PRRT1: variants seen among roughly 807,000 people sequenced by gnomAD.
PRRT1 encodes the protein proline rich transmembrane protein 1.
PRRT1 carries 8 observed loss-of-function variants against 22.6 expected under a neutral mutation model. That is an observed-to-expected ratio of 0.35 (90% confidence interval 0.21 to 0.64). PRRT1 has a LOEUF of 0.64. Among genes scored for constraint, PRRT1 ranks in the 30% least tolerant of loss-of-function variants. The probability of loss-of-function intolerance (pLI) is 0.69; values close to 1 mark genes in which losing one functional copy is unlikely to be tolerated. For missense variants in PRRT1, 315 were observed against 444.5 expected (o/e 0.71, Z 2.62); for synonymous variants, 176 against 203.6 (o/e 0.86, Z 1.15).
chr6:32,150,513 G>T lies in PRRT1; in HGVS notation c.413C>A (p.Ala138Asp). ...AAAAPPPPAP[A>D]QTAQAPGFVV... ...GAAGCCAGGGGCCTGGGCAGTCTGG[G>T]CTGGCGCCGGCGGGGGCGGGGCGGC... is the stretch of plus-strand genomic sequence containing the variant. Residue 138 changes from alanine to aspartate, a missense_variant, in exon 2 of 4, where the codon GCC (alanine) becomes GAC (aspartate). Ala to Asp is a moderately radical substitution (Grantham distance 126). Transcript: ENST00000211413. This position sits in a 1 kb window ranked among gnomAD's most constrained non-coding sequence, Gnocchi z 7.2. 1 of 1,401,078 alleles carries T rather than the reference G, an allele frequency of 7.1e-7. No homozygotes were observed. The highest frequency in any genetic ancestry group is 9.3e-7 in the Non-Finnish European group (1 of 1,080,536). The allele number at this position is 1,401,078 out of a possible 1,614,324, so 86.8% of individuals were successfully genotyped here.
chr6:32,152,055 GTCTC>G, upstream of PRRT1: 1 of 707,554 alleles, frequency 1.4e-6, no homozygotes, highest in Admixed American at 2.0e-5. Flanking sequence ...TTCCCACTCG[GTCTC>G]TCTCTGCTCT....
rs924625226 is a variant in PRRT1 at position 32,148,413 on chromosome 6, C to T, written c.*809G>A. ...TTTCAGAAGTTCACACACACTCACA[C>T]ACAGATCAGAACAAGGCGGGGCCGC... On this transcript the variant is annotated 3_prime_UTR_variant, in exon 4 of 4. Transcript: ENST00000211413. This position sits in a 1 kb window ranked among gnomAD's most constrained non-coding sequence, Gnocchi z 5.7. 3 of 220,676 alleles carry T rather than the reference C, an allele frequency of 1.4e-5. No homozygotes were observed. The highest frequency in any genetic ancestry group is 2.8e-5 in the Non-Finnish European group (3 of 106,890). The allele number at this position is 220,676 out of a possible 1,614,324, so 13.7% of individuals were successfully genotyped here.
chr6:32,151,726 G>A, intron 1 of PRRT1, 83 bp downstream of exon 1: 1 of 805,428 alleles, frequency 1.2e-6, no homozygotes, highest in Non-Finnish European at 2.1e-6. Flanking sequence ...CAGCTGAGGA[G>A]GGGTAAGGGA....
At chr6:32,151,986 A>AGTGG, upstream of PRRT1, 1 of 75,958 alleles carries the variant, frequency 1.3e-5, no homozygotes. Context: ...GCGGAGGGAG[A>AGTGG]GCGGGGAGGG....
rs775000190 is a variant in PRRT1 at position 32,149,285 on chromosome 6, A to G, written c.858T>C (p.Cys286=). 1 of 1,611,550 alleles carries G rather than the reference A, an allele frequency of 6.2e-7. No homozygotes were observed. Among genetic ancestry groups the G allele is most frequent in the South Asian group, 1.1e-5 (1 of 90,504 alleles). ...TGATGATGACTACGGTGAGGATGGT[A>G]CAGAGCACCATGGCCGCGATGCCCA... is the stretch of plus-strand genomic sequence containing the variant. ...LAVGIAAMVL[C]TILTVVIIIA... Residue 286 remains cysteine, a synonymous_variant, in exon 4 of 4, where the codon TGT becomes TGC. Transcript: ENST00000211413. This position sits in a 1 kb window ranked among gnomAD's most constrained non-coding sequence, Gnocchi z 8.7.
rs1783117310 is a variant in PRRT1 at position 32,149,105 on chromosome 6, T to TC, written c.*116dup. On this transcript the variant is annotated 3_prime_UTR_variant, in exon 4 of 4. Transcript: ENST00000211413. The surrounding 1 kb of genome is among the most constrained non-coding windows in gnomAD (Gnocchi z 8.7). ...CCGTGGAGGCGGAGTTTACGATGTA[T>TC]CCAAGTCTGACGGCCCCAGAAACGG... The TC allele has an allele frequency of 9.2e-7, 1 of 1,091,536 alleles. No individual in the cohort carries two copies. Among genetic ancestry groups the TC allele is most frequent in the Non-Finnish European group, 1.4e-6 (1 of 724,580 alleles). The allele number at this position is 1,091,536 out of a possible 1,614,324, so 67.6% of individuals were successfully genotyped here. A position where few individuals can be genotyped will look rare whatever the true frequency, so the allele number is the denominator to read the frequency against.
chr6:32,151,995 G>T (rs1418379207), upstream of PRRT1: 25 of 384,832 alleles, frequency 6.5e-5, 1 homozygote, highest in Admixed American at 1.4e-4. Flanking sequence ...GAGCGGGGAG[G>T]GGGGGAGCTT....
Position 32,151,871 on chromosome 6 carries a change from G to A in PRRT1, c.-44C>T. 4 of 1,600,352 alleles carry A rather than the reference G, an allele frequency of 2.5e-6. No individual in the cohort carries two copies. The highest frequency in any genetic ancestry group is 3.4e-6 in the Non-Finnish European group (4 of 1,171,716). Reference sequence around the variant, plus strand: ...ACAGGGTCCCTGCAGCCGGAGTGGGGGTCCTCGGCCGGTGCTGGAGTCTGG... The same window carrying A: ...ACAGGGTCCCTGCAGCCGGAGTGGGAGTCCTCGGCCGGTGCTGGAGTCTGG... On this transcript the variant is annotated 5_prime_UTR_variant, in exon 1 of 4. Coordinates refer to ENST00000211413, the MANE Select transcript of PRRT1 (RefSeq NM_030651.4).
Position 32,150,722 on chromosome 6 carries a change from C to G in PRRT1, c.204G>C (p.Ala68=). ...RLGAGGLASS[A]ATAQRGPSSS... is the part of the protein sequence containing the mutation. ...AGGAGGGACCGCGCTGAGCGGTGGCCGCGGAAGAGGCCAGGCCCCCTGCCC... is the reference window on the plus strand; with the variant it reads ...AGGAGGGACCGCGCTGAGCGGTGGCGGCGGAAGAGGCCAGGCCCCCTGCCC... Residue 68 remains alanine, a synonymous_variant, in exon 2 of 4, where the codon GCG becomes GCC. Transcript: ENST00000211413. The surrounding 1 kb of genome is among the most constrained non-coding windows in gnomAD (Gnocchi z 7.2). The G allele has an allele frequency of 6.7e-7, 1 of 1,484,158 alleles. No homozygotes were observed. The highest frequency in any genetic ancestry group is 8.9e-7 in the Non-Finnish European group (1 of 1,118,128). 91.9% of individuals were successfully genotyped at this position (1,484,158 alleles called of 1,614,324 possible).
chr6:32,151,749 A>C, intron 1 of PRRT1, 60 bp downstream of exon 1: 2 of 1,055,940 alleles, frequency 1.9e-6, no homozygotes, highest in Non-Finnish European at 1.4e-6. Flanking sequence ...GGGTTGGGGC[A>C]AGGGGGACGG....
chr6:32,152,091 T>G, upstream of PRRT1: 1 of 699,916 alleles, frequency 1.4e-6, no homozygotes, highest in Non-Finnish European at 2.7e-6. Flanking sequence ...TCTCCTCCTC[T>G]TACCCCGGCA....
Position 32,151,863 on chromosome 6 carries a change from G to T in PRRT1, c.-36C>A. On this transcript the variant is annotated 5_prime_UTR_variant, in exon 1 of 4. Transcript: ENST00000211413. ...TCGCTGGGACAGGGTCCCTGCAGCC[G>T]GAGTGGGGGTCCTCGGCCGGTGCTG... is the stretch of plus-strand genomic sequence containing the variant. The T allele has an allele frequency of 6.2e-7, 1 of 1,605,890 alleles. No individual in the cohort carries two copies.
intron 1 of PRRT1, chr6:32,151,280 T>C: frequency 2.0e-6 from 1 of 503,214 alleles, no homozygotes; most frequent in Non-Finnish European, 3.6e-6. Context: ...CATGCAACCC[T>C]GTGTTAATAT....
rs1222796211 is a variant in PRRT1, at chr6:32,149,118, G to T, written c.*104C>A. 3.3e-6 allele frequency: 4 copies of T among 1,203,446 alleles called. No homozygotes were observed. Among genetic ancestry groups the T allele is most frequent in the Non-Finnish European group, 4.9e-6 (4 of 824,308 alleles). The allele number at this position is 1,203,446 out of a possible 1,614,324, so 74.5% of individuals were successfully genotyped here. A position where few individuals can be genotyped will look rare whatever the true frequency, so the allele number is the denominator to read the frequency against. ...GTTTACGATGTATCCAAGTCTGACG[G>T]CCCCAGAAACGGGTGTGCAGGGCGC... is the stretch of plus-strand genomic sequence containing the variant. On this transcript the variant is annotated 3_prime_UTR_variant, in exon 4 of 4. Transcript: ENST00000211413. The surrounding 1 kb of genome is among the most constrained non-coding windows in gnomAD (Gnocchi z 8.7).
In PRRT1 at chr6:32,150,918, G is replaced by C. The variant is rs955978215; in HGVS notation, c.20-12C>G. On this transcript the variant is annotated splice_polypyrimidine_tract_variant and intron_variant, in intron 1 of 3. Transcript: ENST00000211413. This position sits in a 1 kb window ranked among gnomAD's most constrained non-coding sequence, Gnocchi z 7.2. ...TGAGTCTGGGAGTCCTGGGGGAGGT[G>C]AGTGGAGGAGAGTATAAGAGGAAAG... The C allele has an allele frequency of 7.1e-6, 11 of 1,559,618 alleles. No homozygotes were observed. The highest frequency in any genetic ancestry group is 8.6e-6 in the Non-Finnish European group (10 of 1,157,290).
rs954024919 is a variant in PRRT1, at chr6:32,149,291, C to G, written c.852G>C (p.Val284=). The G allele has an allele frequency of 6.2e-7, 1 of 1,611,208 alleles. No individual in the cohort carries two copies. Among genetic ancestry groups the G allele is most frequent in the African/African-American group, 1.3e-5 (1 of 74,898 alleles). Residue 284 remains valine, a synonymous_variant, in exon 4 of 4, where the codon GTG becomes GTC. Coordinates refer to ENST00000211413, the MANE Select transcript of PRRT1 (RefSeq NM_030651.4). This position sits in a 1 kb window ranked among gnomAD's most constrained non-coding sequence, Gnocchi z 8.7. The stretch of plus-strand genomic sequence containing the variant: ...TGACTACGGTGAGGATGGTACAGAG[C>G]ACCATGGCCGCGATGCCCACGGCCA... ...ISLAVGIAAM[V]LCTILTVVII...
At chr6:32,151,998 G>GGGGGGA, upstream of PRRT1, 1 of 376,818 alleles carries the variant, frequency 2.7e-6, no homozygotes. Context: ...CGGGGAGGGG[G>GGGGGGA]GGAGCTTAAA....
In PRRT1 at chr6:32,149,187, G is replaced by A; in HGVS notation, c.*35C>T. 6.2e-7 allele frequency: 1 copy of A among 1,605,690 alleles called. No homozygotes were observed. Among genetic ancestry groups the A allele is most frequent in the Non-Finnish European group, 8.5e-7 (1 of 1,176,430 alleles). On this transcript the variant is annotated 3_prime_UTR_variant, in exon 4 of 4. Coordinates refer to ENST00000211413, the MANE Select transcript of PRRT1 (RefSeq NM_030651.4). The surrounding 1 kb of genome is among the most constrained non-coding windows in gnomAD (Gnocchi z 8.7). ...GACTGCAGAAAGAGCCTGGGAGATC[G>A]AGGGGCGCAGAGTGGGGCCGGACCA...
At chr6:32,151,239 C>T (rs532500919) in intron 1 of PRRT1, 125 of 586,174 alleles carry the variant, frequency 2.1e-4, no homozygotes, top group Middle Eastern at 4.3e-4. Flanking sequence ...CTGGCCTATC[C>T]GAGCTAGTCC....
Sources: gnomAD v4.1 joint callset for allele counts on GRCh38, gnomAD v4.1.1 for gene constraint, Gnocchi (gnomAD v3.1) non-coding constraint, MANE v1.5 for transcripts, NCBI Gene and HGNC (gene_info 2026-07-23, HGNC 2026-07-21) for gene names.